Variants in SYT1 observed in about 807,000 individuals in gnomAD.
SYT1 encodes synaptotagmin-1.
A neutral mutation model predicts 44.8 loss-of-function variants in SYT1; 8 were observed. The observed-to-expected ratio is 0.18, with a 90% CI of 0.10 to 0.32. The LOEUF (loss-of-function observed/expected upper bound fraction) is 0.32, where lower values mean the gene tolerates loss of function less well. SYT1 is among the 10% of genes least tolerant of loss of function. The pLI is 1.00. For synonymous variants in SYT1, 154 were observed against 188.8 expected (o/e 0.82, Z 1.51); for missense variants, 286 against 509.3 (o/e 0.56, Z 4.22).
chr12:78,910,966 C>A (rs567221632), intron 1 of SYT1, among the ~76,000 whole-genome samples: 2 of 152,072 alleles, frequency 1.3e-5, no homozygotes, highest in South Asian at 2.1e-4. Flanking sequence ...AAGAAAAGAT[C>A]AAAGTAGACA....
intron 1 of SYT1, among the ~76,000 whole-genome samples, chr12:78,974,122 T>C (rs953069326): frequency 1.3e-5 from 2 of 150,560 alleles, no homozygotes; most frequent in Non-Finnish European, 3.0e-5. Context: ...GGCTAGATGG[T>C]ATAGCCTATT....
chr12:79,424,953 C>CTTTTTTTTTTT (rs398040025), intron 9 of SYT1, among the ~76,000 whole-genome samples: 30 of 85,236 alleles, frequency 3.5e-4, no homozygotes, highest in Non-Finnish European at 4.9e-4. Flanking sequence ...TTTTCTTCTT[C>CTTTTTTTTTTT]TTTTTTTTTT....
At chr12:79,170,926 C>T (rs1017345732) in intron 3 of SYT1, among the ~76,000 whole-genome samples, 1 of 152,050 alleles carries the variant, frequency 6.6e-6, no homozygotes, top group Non-Finnish European at 1.5e-5. Context: ...CCAATTATCC[C>T]AGCACCATTG....
At chr12:78,929,441 A>G (rs1400994574) in intron 1 of SYT1, among the ~76,000 whole-genome samples, 1 of 146,404 alleles carries the variant, frequency 6.8e-6, no homozygotes, top group Non-Finnish European at 1.5e-5. Context: ...AAAAAAAAAA[A>G]AAAAAGGTTA....
chr12:79,087,884 T>C (rs1877488880), intron 3 of SYT1, among the ~76,000 whole-genome samples: 1 of 152,240 alleles, frequency 6.6e-6, no homozygotes, highest in Middle Eastern at 3.4e-3. Flanking sequence ...GTTCATTTTT[T>C]CCTCCCTCTT....
intron 4 of SYT1, among the ~76,000 whole-genome samples, chr12:79,275,396 G>T (rs1361310222): frequency 6.6e-6 from 1 of 152,090 alleles, no homozygotes; most frequent in African/African-American, 2.4e-5. Context: ...AGCCTTTCTG[G>T]AACATTTGGG....
chr12:78,928,658 C>T (rs1419126221), intron 1 of SYT1, among the ~76,000 whole-genome samples: 2 of 151,976 alleles, frequency 1.3e-5, no homozygotes, highest in African/African-American at 4.8e-5. Flanking sequence ...ATCACAGAGA[C>T]GGATACTAAG....
intron 1 of SYT1, among the ~76,000 whole-genome samples, chr12:78,938,050 G>C (rs1196830529): frequency 6.6e-6 from 1 of 152,026 alleles, no homozygotes; most frequent in Non-Finnish European, 1.5e-5. Context: ...CTGGAAACTG[G>C]GAGTCTTTGT....
intron 8 of SYT1, among the ~76,000 whole-genome samples, chr12:79,347,615 G>A (rs376427196): frequency 1.4e-4 from 21 of 152,256 alleles, no homozygotes; most frequent in African/African-American, 5.1e-4. Flanking sequence ...CTCAACATAT[G>A]ACAAATGAAG....
intron 9 of SYT1, among the ~76,000 whole-genome samples, chr12:79,437,534 A>T (rs1870160404): frequency 6.6e-6 from 1 of 152,242 alleles, no homozygotes; most frequent in Admixed American, 6.5e-5. Flanking sequence ...TAAGGTGGTC[A>T]TGGCCTTATC....
chr12:79,076,628 C>T (rs571453848), intron 3 of SYT1, among the ~76,000 whole-genome samples: 4 of 152,158 alleles, frequency 2.6e-5, no homozygotes, highest in East Asian at 3.9e-4. Flanking sequence ...ACATTCAGTG[C>T]GAGCATATTT....
chr12:79,052,672 C>G (rs916795921), intron 3 of SYT1, among the ~76,000 whole-genome samples: 1 of 151,910 alleles, frequency 6.6e-6, no homozygotes, highest in African/African-American at 2.4e-5. Flanking sequence ...AAAAAACAAA[C>G]AACCCCATCA....
At chr12:79,352,943 G>A (rs543720156) in intron 8 of SYT1, among the ~76,000 whole-genome samples, 136 of 152,278 alleles carry the variant, frequency 8.9e-4, no homozygotes, top group African/African-American at 3.2e-3. Flanking sequence ...AATACTAAAA[G>A]TGCGAAACCT....
chr12:78,994,678 G>C (rs150860575), intron 2 of SYT1, among the ~76,000 whole-genome samples: 227 of 151,620 alleles, frequency 1.5e-3, no homozygotes, highest in African/African-American at 4.4e-3. Flanking sequence ...TGGGATTACA[G>C]ACACCTGCCA....
chr12:79,207,725 T>C (rs761070233), intron 3 of SYT1, among the ~76,000 whole-genome samples: 4 of 152,210 alleles, frequency 2.6e-5, no homozygotes, highest in Non-Finnish European at 4.4e-5. Context: ...GATGTTATTA[T>C]GATTTTTAAA....
At chr12:79,381,651 G>T (rs894679711) in intron 9 of SYT1, among the ~76,000 whole-genome samples, 2 of 152,220 alleles carry the variant, frequency 1.3e-5, no homozygotes, top group African/African-American at 4.8e-5. Context: ...TCAGGCTAAA[G>T]ATTTAGATAG....
intron 3 of SYT1, among the ~76,000 whole-genome samples, chr12:79,216,491 A>G (rs886152445): frequency 4.6e-5 from 7 of 152,152 alleles, no homozygotes; most frequent in African/African-American, 7.2e-5. Context: ...CCCTTAGAAT[A>G]CCTTCCTTAC....
chr12:78,978,394 T>A (rs1869002389), intron 2 of SYT1, among the ~76,000 whole-genome samples: 1 of 152,220 alleles, frequency 6.6e-6, no homozygotes, highest in African/African-American at 2.4e-5. Flanking sequence ...AGAATTTGTC[T>A]CAGACTGATG....
At chr12:79,064,972 G>GAAAGAAAGAAAGAAAGAAAT (rs1489403869) in intron 3 of SYT1, among the ~76,000 whole-genome samples, 2 of 148,214 alleles carry the variant, frequency 1.3e-5, no homozygotes. Flanking sequence ...AAGAAAGAAA[G>GAAAGAAAGAAAGAAAGAAAT]AAAGAAAGAA....
Sources: allele counts gnomAD v4.1 joint callset (sites outside exome capture counted in the v4.1 genomes callset), GRCh38; gene constraint gnomAD v4.1.1; transcripts MANE v1.5; gene names NCBI Gene and HGNC (gene_info 2026-07-23, HGNC 2026-07-21).